The following PCGF5 variants were observed in gnomAD, a reference collection of about 807,000 sequenced individuals.
The protein encoded by PCGF5 is polycomb group ring finger 5.
A neutral mutation model predicts 44.3 loss-of-function variants in PCGF5; 9 were observed. That is an observed-to-expected ratio of 0.20 (90% CI 0.12 to 0.35). The LOEUF is 0.35. Among genes scored for constraint, PCGF5 ranks in the 10% least tolerant of loss-of-function variants. The pLI, the probability that PCGF5 is intolerant of heterozygous loss-of-function variation, is 1.00. For synonymous variants in PCGF5, 95 were observed against 102.5 expected, an observed-to-expected ratio of 0.93 and a Z score of 0.44; for missense variants, 146 against 305.3, an observed-to-expected ratio of 0.48 and a Z score of 3.89.
intron 1 of PCGF5, among the ~76,000 whole-genome samples, chr10:91,208,092 A>T (rs1476233486): frequency 1.3e-5 from 2 of 152,200 alleles, no homozygotes; most frequent in Admixed American, 1.3e-4. Context: ...TTTTCTTAAT[A>T]GTTTTAGGAT....
chr10:91,238,724 C>T (rs1042920427), intron 2 of PCGF5, among the ~76,000 whole-genome samples: 1 of 140,076 alleles, frequency 7.1e-6, no homozygotes, highest in African/African-American at 2.7e-5. Context: ...TCTCTGTCTT[C>T]TACTTCAACT....
intron 1 of PCGF5, among the ~76,000 whole-genome samples, chr10:91,181,939 G>A (rs1012719647): frequency 6.6e-6 from 1 of 152,088 alleles, no homozygotes; most frequent in Non-Finnish European, 1.5e-5. Context: ...CAGTAGGAAT[G>A]GTAGCAGCTC....
chr10:91,167,302 CTTTCTT>C (rs1843517334), intron 1 of PCGF5, among the ~76,000 whole-genome samples: 1 of 152,156 alleles, frequency 6.6e-6, no homozygotes, highest in African/African-American at 2.4e-5. Context: ...CATAGATACT[CTTTCTT>C]TAAGAGGCTT....
intron 6 of PCGF5, among the ~76,000 whole-genome samples, chr10:91,252,921 G>T (rs1409016722): frequency 6.6e-6 from 1 of 151,954 alleles, no homozygotes; most frequent in Non-Finnish European, 1.5e-5. Context: ...TTGACACTTT[G>T]CTATTCTAGT....
At chr10:91,159,418 G>A (rs1031134830), upstream of PCGF5, among the ~76,000 whole-genome samples, 2 of 152,154 alleles carry the variant, frequency 1.3e-5, no homozygotes, top group Admixed American at 6.5e-5. Flanking sequence ...TAAGTCATGA[G>A]AGTGGAGTCC....
Position 91,283,935 on chromosome 10 carries a change from A to G in PCGF5, c.*5619A>G, listed in dbSNP as rs1278398444. ...AAGATTTAGCTTATAAATCATTCAAATTGAAGTGAAAGAATTACCAGGTCA... is the reference window on the plus strand; with the variant it reads ...AAGATTTAGCTTATAAATCATTCAAGTTGAAGTGAAAGAATTACCAGGTCA... On this transcript the variant is annotated 3_prime_UTR_variant, in exon 10 of 10. Transcript: ENST00000336126. 1 of 152,664 alleles carries G rather than the reference A, an allele frequency of 6.6e-6. No individual in the cohort carries two copies. Among genetic ancestry groups the G allele is most frequent in the East Asian group, 1.9e-4 (1 of 5,206 alleles). The allele number at this position is 152,664 out of a possible 1,614,324, so 9.5% of individuals were successfully genotyped here.
chr10:91,284,151 A>T lies in PCGF5; in HGVS notation c.*5835A>T, dbSNP rs1386051411. On this transcript the variant is annotated 3_prime_UTR_variant, in exon 10 of 10. Coordinates refer to ENST00000336126, the MANE Select transcript of PCGF5 (RefSeq NM_032373.5). ...TATGGAATGTTCTGTACAAAGCTGT[A>T]TAATTGTACTGTTGGGCTAGATACT... 6.6e-6 allele frequency: 1 copy of T among 152,436 alleles called. No individual in the cohort carries two copies. The highest frequency in any genetic ancestry group is 1.9e-4 in the East Asian group (1 of 5,204). The allele number at this position is 152,436 out of a possible 1,614,324, so 9.4% of individuals were successfully genotyped here.
intron 6 of PCGF5, among the ~76,000 whole-genome samples, chr10:91,255,042 T>C (rs1218758999): frequency 6.6e-6 from 1 of 152,074 alleles, no homozygotes; most frequent in Non-Finnish European, 1.5e-5. Context: ...GTAGAGCTTT[T>C]TCAAAGCCTC....
chr10:91,227,956 AG>A, intron 2 of PCGF5: 1 of 958,300 alleles, frequency 1.0e-6, no homozygotes, highest in Non-Finnish European at 1.2e-6. Flanking sequence ...ATGGCTAATA[AG>A]TTATTTTATT....
At chr10:91,212,638 A>T (rs1844473262) in intron 1 of PCGF5, among the ~76,000 whole-genome samples, 1 of 152,240 alleles carries the variant, frequency 6.6e-6, no homozygotes, top group Non-Finnish European at 1.5e-5. Flanking sequence ...TATCCCTAGA[A>T]GAATTGTACA....
chr10:91,233,050 T>A (rs1165992309), intron 2 of PCGF5, among the ~76,000 whole-genome samples: 1 of 152,156 alleles, frequency 6.6e-6, no homozygotes, highest in Non-Finnish European at 1.5e-5. Flanking sequence ...TAGAGTTTAG[T>A]TGAGCAAGTA....
chr10:91,262,924 T>C (rs1057048503), intron 7 of PCGF5, among the ~76,000 whole-genome samples: 1 of 152,234 alleles, frequency 6.6e-6, no homozygotes, highest in Non-Finnish European at 1.5e-5. Flanking sequence ...ATTCATTGAG[T>C]TAACATTTTC....
chr10:91,253,853 G>C (rs774904974), intron 6 of PCGF5, among the ~76,000 whole-genome samples: 2 of 152,036 alleles, frequency 1.3e-5, no homozygotes, highest in African/African-American at 2.4e-5. Context: ...AGGCCATATG[G>C]TCTCTGTTGC....
chr10:91,255,276 A>C (rs1845719579), intron 6 of PCGF5, among the ~76,000 whole-genome samples: 1 of 152,130 alleles, frequency 6.6e-6, no homozygotes. Context: ...GAGACTAACC[A>C]AAAAGCTTAA....
At chr10:91,189,018 G>A (rs192694102) in intron 1 of PCGF5, among the ~76,000 whole-genome samples, 1 of 152,342 alleles carries the variant, frequency 6.6e-6, no homozygotes, top group African/African-American at 2.4e-5. Flanking sequence ...TGAGATAGGT[G>A]ATTATGGATT....
intron 8 of PCGF5, among the ~76,000 whole-genome samples, chr10:91,268,060 T>C (rs1459619234): frequency 6.6e-6 from 1 of 152,170 alleles, no homozygotes; most frequent in Non-Finnish European, 1.5e-5. Flanking sequence ...TTTAACCTTA[T>C]TGTTTTGAGA....
At chr10:91,194,647 G>T (rs1431662759) in intron 1 of PCGF5, among the ~76,000 whole-genome samples, 1 of 152,130 alleles carries the variant, frequency 6.6e-6, no homozygotes, top group Non-Finnish European at 1.5e-5. Flanking sequence ...GTAAGCAGTT[G>T]GATATGAGTC....
At chr10:91,260,567 CCAA>C (rs1261416590) in intron 6 of PCGF5, among the ~76,000 whole-genome samples, 1 of 152,132 alleles carries the variant, frequency 6.6e-6, no homozygotes, top group African/African-American at 2.4e-5. Context: ...ACCCAAATGT[CCAA>C]CAACGATAAA....
intron 6 of PCGF5, among the ~76,000 whole-genome samples, chr10:91,260,713 A>G (rs1589404321): frequency 6.6e-6 from 1 of 151,636 alleles, no homozygotes. Context: ...CACAAGGACA[A>G]AAAACCAAAC....
Sources: allele counts gnomAD v4.1 joint callset (sites outside exome capture counted in the v4.1 genomes callset), GRCh38; gene constraint gnomAD v4.1.1; transcripts MANE v1.5; gene names NCBI Gene and HGNC (gene_info 2026-07-23, HGNC 2026-07-21).